KCTD20: variants seen among roughly 807,000 people sequenced by gnomAD.
KCTD20 encodes the protein BTB/POZ domain-containing protein KCTD20.
A neutral mutation model predicts 39.6 loss-of-function variants in KCTD20; 30 were observed. The observed-to-expected ratio is 0.76, with a 90% CI of 0.57 to 1.03. The LOEUF (loss-of-function observed/expected upper bound fraction) is 1.03. Among genes scored for constraint, KCTD20 ranks in the 50% least tolerant of loss-of-function variants. The pLI is 0.00. For missense variants in KCTD20, 422 were observed against 522.0 expected (o/e 0.81, Z 1.87); for synonymous variants, 162 against 180.6 (o/e 0.90, Z 0.83).
chr6:36,459,801 T>C (rs572210112), intron 1 of KCTD20, among the ~76,000 whole-genome samples: 1 of 152,374 alleles, frequency 6.6e-6, no homozygotes, highest in South Asian at 2.1e-4. Flanking sequence ...TTTCTACATG[T>C]TAGCTCTGTT....
chr6:36,470,335 G>T, intron 2 of KCTD20, 78 bp downstream of exon 2: 1 of 1,301,228 alleles, frequency 7.7e-7, no homozygotes, highest in African/African-American at 1.5e-5. Flanking sequence ...AGGCATGAAT[G>T]TTTTTAATCT....
Position 36,474,999 on chromosome 6 carries a change from A to G in KCTD20, c.371A>G (p.Asp124Gly), listed in dbSNP as rs1194679068. ...CCAGAGAAAGTGACGCTTCTTGTAG[A>G]TGGCACACGTTTTGTTGTGAATCCA... ...QAPEKVTLLV[D>G]GTRFVVNPQI... is the part of the protein sequence containing the mutation. Residue 124 changes from aspartate (D) to glycine (G), a missense_variant, in exon 3 of 8, where the codon GAT becomes GGT. By Grantham distance (94) the Asp-to-Gly change is moderately conservative. Coordinates refer to ENST00000373731, the MANE Select transcript of KCTD20 (RefSeq NM_173562.5). 1.2e-6 allele frequency: 2 copies of G among 1,614,160 alleles called. No homozygotes were observed. Among genetic ancestry groups the G allele is most frequent in the Admixed American group, 1.7e-5 (1 of 60,018 alleles).
At chr6:36,486,756 G>A in intron 7 of KCTD20, 127 bp from the exon 8 acceptor site, 1 of 757,594 alleles carries the variant, frequency 1.3e-6, no homozygotes, top group Non-Finnish European at 2.2e-6. Context: ...GACAGGGACT[G>A]GTCACTTCGC....
chr6:36,456,629 C>A (rs952422697), intron 1 of KCTD20, among the ~76,000 whole-genome samples: 5 of 140,464 alleles, frequency 3.6e-5, no homozygotes, highest in African/African-American at 1.3e-4. Flanking sequence ...GCTCTGTTAT[C>A]CACGGTGGCA....
intron 1 of KCTD20, among the ~76,000 whole-genome samples, chr6:36,459,003 TA>T (rs1775522707): frequency 6.6e-6 from 1 of 151,832 alleles, no homozygotes; most frequent in Non-Finnish European, 1.5e-5. Context: ...ACATTTTTAA[TA>T]TTAAAAAAGA....
chr6:36,478,003 G>A (rs1301909020), intron 3 of KCTD20, among the ~76,000 whole-genome samples: 1 of 150,952 alleles, frequency 6.6e-6, no homozygotes, highest in East Asian at 2.0e-4. Flanking sequence ...GCTAAGGCAG[G>A]AGAATGGCGT....
At chr6:36,486,754 C>A in intron 7 of KCTD20, 129 bp from the exon 8 acceptor site, 1 of 748,348 alleles carries the variant, frequency 1.3e-6, no homozygotes, top group Non-Finnish European at 2.3e-6. Flanking sequence ...GGGACAGGGA[C>A]TGGTCACTTC....
chr6:36,483,707 G>A (rs1309507819), intron 6 of KCTD20, among the ~76,000 whole-genome samples: 1 of 151,802 alleles, frequency 6.6e-6, no homozygotes, highest in Non-Finnish European at 1.5e-5. Context: ...GTGTAGAAAT[G>A]GGTTCTATGT....
intron 1 of KCTD20, among the ~76,000 whole-genome samples, chr6:36,444,856 TC>T (rs1774990945): frequency 6.6e-6 from 1 of 152,250 alleles, no homozygotes; most frequent in African/African-American, 2.4e-5. Flanking sequence ...CACAATTTGT[TC>T]CTTCCTGTTA....
chr6:36,486,245 C>A (rs184003143), intron 7 of KCTD20, among the ~76,000 whole-genome samples: 4 of 152,268 alleles, frequency 2.6e-5, no homozygotes, highest in African/African-American at 9.6e-5. Flanking sequence ...TAAATCTCCT[C>A]CTACTCGGTC....
At chr6:36,482,862 C>T (rs1776295492) in intron 6 of KCTD20, among the ~76,000 whole-genome samples, 1 of 150,064 alleles carries the variant, frequency 6.7e-6, no homozygotes, top group Non-Finnish European at 1.5e-5. Context: ...AGGAGAATCA[C>T]TTGAACCCAG....
Position 36,451,867 on chromosome 6 carries a change from G to A in KCTD20, c.-47+8756G>A, listed in dbSNP as rs1775267133. Among the ~76,000 whole-genome samples, 4 of 152,192 alleles carry A rather than the reference G, an allele frequency of 2.6e-5. 1 individual carries two copies. In the South Asian group the frequency reaches 8.3e-4, roughly 31 times the overall value. ...CTCACTCTGTCACCCAGGCAGTGCA[G>A]TAGTGCAGTCTCAGCTCACTGCAAC... On this transcript the variant is annotated intron_variant, in intron 1 of 7. Coordinates refer to ENST00000373731, the MANE Select transcript of KCTD20 (RefSeq NM_173562.5).
Position 36,479,605 on chromosome 6 carries a change from C to A in KCTD20, c.552C>A (p.Thr184=). ...TCTATTTACAGGATTATTACAAAAC[C>A]GGTATCATCAATTGTCCTGATGGCA... ...VFRTVLDYYK[T]GIINCPDGIS... Residue 184 remains threonine, a synonymous_variant, in exon 5 of 8, where the codon ACC becomes ACA. Transcript: ENST00000373731. 1.2e-6 allele frequency: 2 copies of A among 1,604,804 alleles called. No individual in the cohort carries two copies. Among genetic ancestry groups the A allele is most frequent in the East Asian group, 2.2e-5 (1 of 44,834 alleles).
chr6:36,461,976 G>A (rs1300122841), intron 1 of KCTD20, among the ~76,000 whole-genome samples: 1 of 152,194 alleles, frequency 6.6e-6, no homozygotes, highest in Non-Finnish European at 1.5e-5. Flanking sequence ...TTTCTTCCAA[G>A]TAGAAATGAG....
rs963162097 is a variant in KCTD20 at position 36,488,364 on chromosome 6, T to C, written c.*1189T>C. 3 of 152,218 alleles carry C rather than the reference T, an allele frequency of 2.0e-5. No individual in the cohort carries two copies. The highest frequency in any genetic ancestry group is 2.1e-4 in the South Asian group (1 of 4,828). 9.4% of individuals were successfully genotyped at this position (152,218 alleles called of 1,614,324 possible). ...TTTATTTGATCTATTAGCTCTGTTA[T>C]CAGTGCATGATCACCCAGATCACCC... On this transcript the variant is annotated 3_prime_UTR_variant, in exon 8 of 8. Coordinates refer to ENST00000373731, the MANE Select transcript of KCTD20 (RefSeq NM_173562.5).
At chr6:36,473,354 A>G (rs1469876914) in intron 2 of KCTD20, among the ~76,000 whole-genome samples, 1 of 151,892 alleles carries the variant, frequency 6.6e-6, no homozygotes, top group African/African-American at 2.4e-5. Context: ...GAGCCACCGC[A>G]CCCGGCCTAT....
At chr6:36,465,004 T>C (rs946363660) in intron 1 of KCTD20, among the ~76,000 whole-genome samples, 1 of 152,100 alleles carries the variant, frequency 6.6e-6, no homozygotes, top group African/African-American at 2.4e-5. Flanking sequence ...ATCATGTCCT[T>C]GCACTATTAA....
chr6:36,471,850 C>CT lies in KCTD20; in HGVS notation c.160+1610dup, dbSNP rs550731370. On this transcript the variant is annotated intron_variant, in intron 2 of 7. Coordinates refer to ENST00000373731, the MANE Select transcript of KCTD20 (RefSeq NM_173562.5). Reference sequence around the variant, plus strand: ...GAATTAGTAATTCTGGTATCTATTTCTTTTTTTTTTTTTTTTTAGACGGAG... The same window carrying CT: ...GAATTAGTAATTCTGGTATCTATTTCTTTTTTTTTTTTTTTTTTAGACGGAG... Among the ~76,000 whole-genome samples the CT allele has an allele frequency of 3.1e-3, 418 of 135,366 alleles. 1 individual carries two copies. The highest frequency in any genetic ancestry group is 0.02 in the South Asian group (84 of 4,158). The allele number at this position is 135,366 out of a possible 152,430, so 88.8% of individuals were successfully genotyped here.
Position 36,487,087 on chromosome 6 carries a change from T to C in KCTD20, c.1172T>C (p.Ile391Thr). 1.2e-6 allele frequency: 2 copies of C among 1,614,152 alleles called. No homozygotes were observed. The change falls in exon 8 of 8, where the codon ATA becomes ACA. Residue 391 changes from isoleucine (I) to threonine (T), a missense_variant. Ile to Thr is a moderately conservative substitution (Grantham distance 89). Coordinates refer to ENST00000373731, the MANE Select transcript of KCTD20 (RefSeq NM_173562.5). The stretch of plus-strand genomic sequence containing the variant: ...GATGATGTCTTGGAGGACCAGGAGA[T>C]ATTAATGCATCACCCACCCCAAGTG... ...AGDDVLEDQEILMHHPPQVDE... is the reference protein window; with the variant it reads ...AGDDVLEDQETLMHHPPQVDE...
Sources: gnomAD v4.1 joint callset for allele counts (sites outside exome capture counted in the v4.1 genomes callset) on GRCh38, gnomAD v4.1.1 for gene constraint, MANE v1.5 for transcripts, NCBI Gene and HGNC (gene_info 2026-07-23, HGNC 2026-07-21) for gene names.